The following EFR3A variants were observed in gnomAD, a reference collection of about 807,000 sequenced individuals.
The protein encoded by EFR3A is EFR3 homolog A.
In EFR3A, 76 loss-of-function variants were observed where a neutral mutation model predicts 104.4. The ratio of observed to expected loss-of-function variants is 0.73; its 90% CI spans 0.60 to 0.88. The LOEUF is 0.88. Among genes scored for constraint, EFR3A ranks in the 40% least tolerant of loss-of-function variants. EFR3A has a pLI of 0.00. For missense variants in EFR3A, 985 were observed against 1,012.5 expected, an observed-to-expected ratio of 0.97 and a Z score of 0.37; for synonymous variants, 330 against 330.0, an observed-to-expected ratio of 1.00 and a Z score of 0.00.
intron 18 of EFR3A, among the ~76,000 whole-genome samples, chr8:131,991,692 G>T (rs1821193509): frequency 6.6e-6 from 1 of 152,056 alleles, no homozygotes; most frequent in South Asian, 2.1e-4. Flanking sequence ...GGATGGAATG[G>T]CTTTAGACAG....
At chr8:131,965,809 C>G (rs1819682443) in intron 8 of EFR3A, among the ~76,000 whole-genome samples, 1 of 151,932 alleles carries the variant, frequency 6.6e-6, no homozygotes, top group Non-Finnish European at 1.5e-5. Context: ...TTGGAACCAA[C>G]CCAGATGTCC....
intron 17 of EFR3A, 49 bp downstream of exon 17, chr8:131,986,310 C>T: frequency 1.1e-6 from 1 of 919,758 alleles, no homozygotes; most frequent in East Asian, 2.6e-5. Context: ...CTTGATAAAC[C>T]CATCAGTAAT....
At chr8:131,947,642 T>C (rs1291396323) in intron 4 of EFR3A, among the ~76,000 whole-genome samples, 1 of 151,932 alleles carries the variant, frequency 6.6e-6, no homozygotes, top group Admixed American at 6.6e-5. Context: ...ATCAGAAAGG[T>C]TTACTCCTAT....
intron 4 of EFR3A, among the ~76,000 whole-genome samples, chr8:131,948,397 G>A (rs184617595): frequency 6.6e-6 from 1 of 152,282 alleles, no homozygotes; most frequent in African/African-American, 2.4e-5. Context: ...TCTTGGAAGA[G>A]TGCATGGCAC....
In EFR3A at chr8:131,996,432, A is replaced by T; in HGVS notation, c.2092A>T (p.Ser698Cys). 1 of 1,592,144 alleles carries T rather than the reference A, an allele frequency of 6.3e-7. No homozygotes were observed. Residue 698 changes from serine to cysteine, a missense_variant, in exon 19 of 23, where the codon AGC becomes TGC. Ser to Cys is a moderately radical substitution (Grantham distance 112, BLOSUM62 -1). Transcript: ENST00000254624. Reference sequence around the variant, plus strand: ...TGAAGATCGACTTTCTAGAAGAAAAAGCATTGTGGACACCGTATCCATTCA... The same window carrying T: ...TGAAGATCGACTTTCTAGAAGAAAATGCATTGTGGACACCGTATCCATTCA... ...TDEDRLSRRK[S>C]IVDTVSIQVD... is the part of the protein sequence containing the mutation.
At chr8:131,956,045 A>G in intron 7 of EFR3A, 140 bp downstream of exon 7, 3 of 983,068 alleles carry the variant, frequency 3.1e-6, no homozygotes, top group East Asian at 2.7e-5. Flanking sequence ...AAAGTAGTAC[A>G]GGACTGAGTC....
chr8:131,984,614 TTTAA>T (rs1820785163), intron 15 of EFR3A, among the ~76,000 whole-genome samples: 1 of 152,062 alleles, frequency 6.6e-6, no homozygotes, highest in African/African-American at 2.4e-5. Context: ...CATGCAGTTG[TTTAA>T]TTAGAGTTGC....
chr8:131,924,878 T>C (rs1817226067), intron 1 of EFR3A, among the ~76,000 whole-genome samples: 1 of 152,128 alleles, frequency 6.6e-6, no homozygotes, highest in African/African-American at 2.4e-5. Flanking sequence ...ATTTATATTG[T>C]TTATAGGTGG....
At chr8:131,984,822 A>AT (rs1431078941) in intron 15 of EFR3A, 107 bp from the exon 16 acceptor site, 25 of 1,066,414 alleles carry the variant, frequency 2.3e-5, no homozygotes, top group Non-Finnish European at 2.7e-5. Flanking sequence ...ATAAAGTGGC[A>AT]TTTTTGTTAG....
intron 7 of EFR3A, among the ~76,000 whole-genome samples, chr8:131,956,406 C>G (rs988088835): frequency 6.6e-6 from 1 of 152,152 alleles, no homozygotes; most frequent in Non-Finnish European, 1.5e-5. Context: ...CTTTCATGCT[C>G]TCCTCCAGGC....
rs532410561 is a variant in EFR3A at position 131,927,202 on chromosome 8, C to A, written c.11-13297C>A. Among the ~76,000 whole-genome samples the A allele has an allele frequency of 2.6e-5, 4 of 152,220 alleles. No homozygotes were observed. The East Asian group carries it at 5.8e-4, about 22-fold the overall frequency. Reference sequence around the variant, plus strand: ...CCTAGCTTTAGGTCGTGGTTAAGGACAACTTGAAGAATAATGCTGGGCTGA... The same window carrying A: ...CCTAGCTTTAGGTCGTGGTTAAGGAAAACTTGAAGAATAATGCTGGGCTGA... On this transcript the variant is annotated intron_variant, in intron 1 of 22. Coordinates refer to ENST00000254624, the MANE Select transcript of EFR3A (RefSeq NM_015137.6).
chr8:131,928,520 T>C (rs771770458), intron 1 of EFR3A, among the ~76,000 whole-genome samples: 15 of 152,110 alleles, frequency 9.9e-5, no homozygotes, highest in Non-Finnish European at 1.8e-4. Flanking sequence ...AGCAATAAAT[T>C]AGTAAATCCT....
At chr8:131,909,912 A>G (rs1816431680) in intron 1 of EFR3A, among the ~76,000 whole-genome samples, 1 of 152,284 alleles carries the variant, frequency 6.6e-6, no homozygotes, top group Non-Finnish European at 1.5e-5. Context: ...AGACCATACT[A>G]TGCCCGCAGC....
At chr8:131,956,563 T>C (rs890748916) in intron 7 of EFR3A, among the ~76,000 whole-genome samples, 1 of 152,166 alleles carries the variant, frequency 6.6e-6, no homozygotes, top group Admixed American at 6.5e-5. Flanking sequence ...CTAGTCTTTC[T>C]TTTGTTAAAA....
rs1488080641 is a variant in EFR3A, at chr8:132,011,977, A to T, written c.*1082A>T. 6.6e-6 allele frequency: 1 copy of T among 152,168 alleles called. No individual in the cohort carries two copies. Among genetic ancestry groups the T allele is most frequent in the Non-Finnish European group, 1.5e-5 (1 of 68,022 alleles). 9.4% of individuals were successfully genotyped at this position (152,168 alleles called of 1,614,324 possible). A position where few individuals can be genotyped will look rare whatever the true frequency, so the allele number is the denominator to read the frequency against. On this transcript the variant is annotated 3_prime_UTR_variant, in exon 23 of 23. Transcript: ENST00000254624. ...AGTTTGTCAATTTAAGCTGCTTTTG[A>T]TTTCAGCTACCAAGATCACAGGTGC...
At position 132,008,026 on chromosome 8, in the gene EFR3A, A is replaced by G. The variant is rs560499926; in HGVS notation, c.2361-2764A>G. On this transcript the variant is annotated intron_variant, in intron 22 of 22. Coordinates refer to ENST00000254624, the MANE Select transcript of EFR3A (RefSeq NM_015137.6). ...AGAAAACATAGGAAAGAGTCCTCTC[A>G]GTCTTAAAATGAGCAAAAAGATTTC... Among the ~76,000 whole-genome samples the G allele has an allele frequency of 2.0e-5, 3 of 152,172 alleles. No homozygotes were observed. In the South Asian group the frequency reaches 6.2e-4, roughly 32 times the overall value.
At chr8:131,940,370 T>A in intron 1 of EFR3A, 129 bp from the exon 2 acceptor site, 1 of 841,782 alleles carries the variant, frequency 1.2e-6, no homozygotes, top group Non-Finnish European at 1.8e-6. Flanking sequence ...ATTACATTTG[T>A]ATGTCTTTAT....
At chr8:131,972,328 C>T (rs1393467961) in intron 10 of EFR3A, among the ~76,000 whole-genome samples, 1 of 151,538 alleles carries the variant, frequency 6.6e-6, no homozygotes, top group East Asian at 1.9e-4. Flanking sequence ...CTTTCTGCCC[C>T]AGCCCTGGAA....
intron 4 of EFR3A, among the ~76,000 whole-genome samples, chr8:131,948,891 C>G (rs368270402): frequency 3.3e-5 from 5 of 151,990 alleles, no homozygotes; most frequent in Non-Finnish European, 4.4e-5. Context: ...TAATGGTGTT[C>G]GTACGGTTTA....
Sources: allele counts gnomAD v4.1 joint callset (sites outside exome capture counted in the v4.1 genomes callset), GRCh38; gene constraint gnomAD v4.1.1; transcripts MANE v1.5; gene names NCBI Gene and HGNC (gene_info 2026-07-23, HGNC 2026-07-21).